SLC3A2: variants seen among roughly 807,000 people sequenced by gnomAD.
The protein encoded by SLC3A2 is amino acid transporter heavy chain SLC3A2.
Under a neutral mutation model 48.5 loss-of-function variants are expected in SLC3A2, and 32 were observed. The ratio of observed to expected loss-of-function variants is 0.66; its 90% CI spans 0.50 to 0.89. The LOEUF is 0.89. Among genes scored for constraint, SLC3A2 ranks in the 40% least tolerant of loss-of-function variants. SLC3A2 has a pLI of 0.00. For synonymous variants in SLC3A2, 277 were observed against 288.8 expected (o/e 0.96, Z 0.41); for missense variants, 587 against 680.7 (o/e 0.86, Z 1.53).
At chr11:62,868,196 A>G (rs1267454897) in intron 1 of SLC3A2, among the ~76,000 whole-genome samples, 2 of 152,074 alleles carry the variant, frequency 1.3e-5, no homozygotes, top group African/African-American at 4.8e-5. Context: ...TGCTAGGATT[A>G]CAGGTGTGAG....
intron 1 of SLC3A2, among the ~76,000 whole-genome samples, chr11:62,871,974 G>A (rs1348271910): frequency 6.6e-6 from 1 of 152,000 alleles, no homozygotes; most frequent in Admixed American, 6.6e-5. Flanking sequence ...GTGCGGTGGC[G>A]TGATCACAGC....
chr11:62,881,654 A>T lies in SLC3A2; in HGVS notation c.424+207A>T, dbSNP rs112685148. Reference sequence around the variant, plus strand: ...CCGACCCGCCCCTCACTCCGTCACGAGGGTGGGTGACTCAGCGTCCTCCTT... The same window carrying T: ...CCGACCCGCCCCTCACTCCGTCACGTGGGTGGGTGACTCAGCGTCCTCCTT... On this transcript the variant is annotated intron_variant, in intron 1 of 8. Transcript: ENST00000338663. This position sits in a 1 kb window ranked among gnomAD's most constrained non-coding sequence, Gnocchi z 4.0. The T allele has an allele frequency of 1.1e-6, 1 of 898,786 alleles. No homozygotes were observed. Among genetic ancestry groups the T allele is most frequent in the African/African-American group, 1.7e-5 (1 of 57,490 alleles). The allele number at this position is 898,786 out of a possible 1,614,324, so 55.7% of individuals were successfully genotyped here.
chr11:62,872,802 A>G lies in SLC3A2; in HGVS notation c.113-8217A>G, dbSNP rs560964566. On this transcript the variant is annotated intron_variant, in intron 1 of 9. Transcript: ENST00000377889. ...TTTTTAGTAGAGATGGGGTTTCTCC[A>G]TGTTGGTCAGGCTGGTGTTTAACTC... Among the ~76,000 whole-genome samples, 10 of 152,104 alleles carry G rather than the reference A, an allele frequency of 6.6e-5. 1 individual carries two copies. In the South Asian group the frequency reaches 2.1e-3, roughly 32 times the overall value.
At chr11:62,880,343 A>G (rs1400697948), upstream of SLC3A2, 1 of 152,318 alleles carries the variant, frequency 6.6e-6, no homozygotes, top group Non-Finnish European at 1.5e-5. Context: ...ATGAGTCTTG[A>G]AAAACGAGTG....
intron 3 of SLC3A2, chr11:62,884,144 C>A: frequency 1.9e-6 from 1 of 525,692 alleles, no homozygotes; most frequent in South Asian, 1.7e-5. Context: ...AAGTGTTAAA[C>A]GAAGTTATGT....
intron 1 of SLC3A2, among the ~76,000 whole-genome samples, chr11:62,865,197 TAC>T (rs1233907323): frequency 2.0e-5 from 3 of 152,308 alleles, no homozygotes; most frequent in South Asian, 4.1e-4. Context: ...GCAGAACCGT[TAC>T]AGTTTTAGCA....
At position 62,885,624 on chromosome 11, in the gene SLC3A2, T is replaced by G; in HGVS notation, c.1143+16T>G. The stretch of plus-strand genomic sequence containing the variant: ...TCCTGGACAGGTACTGCTTGCTGTC[T>G]TTCTGTCACAGGGAGGTTGTTTATC... On this transcript the variant is annotated intron_variant, in intron 7 of 8. Coordinates refer to ENST00000338663, the MANE Select transcript of SLC3A2 (RefSeq NM_001013251.3). 1 of 1,613,684 alleles carries G rather than the reference T, an allele frequency of 6.2e-7. No individual in the cohort carries two copies. Among genetic ancestry groups the G allele is most frequent in the Non-Finnish European group, 8.5e-7 (1 of 1,179,718 alleles).
chr11:62,870,849 AATAATAATTATTATT>A (rs1458428911), intron 1 of SLC3A2: 55 of 143,354 alleles, frequency 3.8e-4, no homozygotes, highest in African/African-American at 1.7e-3. Flanking sequence ...TAATAATAAT[AATAATAATTATTATT>A]ATTATTATTA....
In SLC3A2 at chr11:62,881,464, C is replaced by A; in HGVS notation, c.424+17C>A. On this transcript the variant is annotated intron_variant, in intron 1 of 8. Coordinates refer to ENST00000338663, the MANE Select transcript of SLC3A2 (RefSeq NM_001013251.3). This position sits in a 1 kb window ranked among gnomAD's most constrained non-coding sequence, Gnocchi z 4.0. ...ACCTGGCGGGTGAGTGCAGCGCGCC[C>A]CCGTCCCGGGTACCTCCGGTTGAAT... 1 of 1,559,816 alleles carries A rather than the reference C, an allele frequency of 6.4e-7. No individual in the cohort carries two copies. Among genetic ancestry groups the A allele is most frequent in the East Asian group, 2.3e-5 (1 of 42,924 alleles).
At chr11:62,861,449 A>G (rs937238325) in intron 1 of SLC3A2, among the ~76,000 whole-genome samples, 2 of 151,974 alleles carry the variant, frequency 1.3e-5, no homozygotes, top group Non-Finnish European at 2.9e-5. Flanking sequence ...TTGAATAGAC[A>G]GAGGTCTTGC....
chr11:62,870,057 A>G (rs912124770), intron 1 of SLC3A2, among the ~76,000 whole-genome samples: 1 of 152,068 alleles, frequency 6.6e-6, no homozygotes, highest in African/African-American at 2.4e-5. Flanking sequence ...CTGGTCTCCC[A>G]AAGTGCTGGG....
rs1045208190 is a variant in SLC3A2 at position 62,883,415 on chromosome 11, C to CT, written c.690+417dup. 1.4e-4 allele frequency: 27 copies of CT among 195,084 alleles called. No homozygotes were observed. In the East Asian group the frequency reaches 3.2e-3, roughly 23 times the overall value. 12.1% of individuals were successfully genotyped at this position (195,084 alleles called of 1,614,324 possible). A position where few individuals can be genotyped will look rare whatever the true frequency, so the allele number is the denominator to read the frequency against. On this transcript the variant is annotated intron_variant, in intron 3 of 8. Coordinates refer to ENST00000338663, the MANE Select transcript of SLC3A2 (RefSeq NM_001013251.3). ...GGGGTACTCCTATGTGTCTGGGACTCTATGCCAAGTATTTTATAGATGTTT... is the reference window on the plus strand; with the variant it reads ...GGGGTACTCCTATGTGTCTGGGACTCTTATGCCAAGTATTTTATAGATGTTT...
chr11:62,869,310 G>C (rs931664293), intron 1 of SLC3A2, among the ~76,000 whole-genome samples: 3 of 151,716 alleles, frequency 2.0e-5, no homozygotes, highest in African/African-American at 7.3e-5. Context: ...GGATCACAAG[G>C]TCAGGAGATC....
intron 1 of SLC3A2, among the ~76,000 whole-genome samples, chr11:62,857,695 CAAAAAAAAAAAA>C (rs56818745): frequency 3.8e-5 from 2 of 52,796 alleles, no homozygotes; most frequent in South Asian, 1.1e-3. Context: ...GACCCTGTCT[CAAAAAAAAAAAA>C]AAAAAAAAAA....
chr11:62,876,927 C>G, upstream of SLC3A2: 1 of 994,500 alleles, frequency 1.0e-6, no homozygotes, highest in Non-Finnish European at 1.2e-6. Flanking sequence ...TGAACAGTTA[C>G]AAGTCTTGGT....
chr11:62,876,926 A>G (rs2085576593), upstream of SLC3A2: 1 of 994,688 alleles, frequency 1.0e-6, no homozygotes, highest in Non-Finnish European at 1.2e-6. Flanking sequence ...TTGAACAGTT[A>G]CAAGTCTTGG....
chr11:62,884,100 A>C (rs1203700366), intron 3 of SLC3A2: 2 of 475,786 alleles, frequency 4.2e-6, no homozygotes, highest in African/African-American at 3.9e-5. Flanking sequence ...CTGTTTCTTC[A>C]TCTCTAAAAT....
chr11:62,870,865 AT>A lies in SLC3A2; in HGVS notation c.113-10152del, dbSNP rs756107326. 11 of 170,708 alleles carry A rather than the reference AT, an allele frequency of 6.4e-5. 2 individuals are homozygous for A. The South Asian group carries it at 1.1e-3, about 17-fold the overall frequency. The allele number at this position is 170,708 out of a possible 1,614,324, so 10.6% of individuals were successfully genotyped here. Reference sequence around the variant, plus strand: ...AATAATAATAATAATAATTATTATTATTATTATTATTATTATTATTATTATT... The same window carrying A: ...AATAATAATAATAATAATTATTATTATATTATTATTATTATTATTATTATT... On this transcript the variant is annotated intron_variant, in intron 1 of 9. Transcript: ENST00000377889.
At position 62,881,303 on chromosome 11, in the gene SLC3A2, G is replaced by A. The variant is rs1486756343; in HGVS notation, c.280G>A (p.Gly94Ser). The A allele has an allele frequency of 3.8e-6, 6 of 1,576,948 alleles. No individual in the cohort carries two copies. The highest frequency in any genetic ancestry group is 3.4e-6 in the Non-Finnish European group (4 of 1,165,310). The change falls in exon 1 of 9, where the codon GGC becomes AGC. Residue 94 changes from glycine to serine, a missense_variant. By Grantham distance (56) the Gly-to-Ser change is moderately conservative. Transcript: ENST00000338663. The surrounding 1 kb of genome is among the most constrained non-coding windows in gnomAD (Gnocchi z 4.0). The part of the protein sequence containing the change: ...LLLLFWLGWL[G>S]MLAGAVVIIV... Reference sequence around the variant, plus strand: ...GCTGCTCTTCTGGCTCGGCTGGCTCGGCATGCTTGCTGGTGCCGTGGTCAT... The same window carrying A: ...GCTGCTCTTCTGGCTCGGCTGGCTCAGCATGCTTGCTGGTGCCGTGGTCAT...
Sources: gnomAD v4.1 joint callset for allele counts (sites outside exome capture counted in the v4.1 genomes callset) on GRCh38, gnomAD v4.1.1 for gene constraint, Gnocchi (gnomAD v3.1) non-coding constraint, MANE v1.5 for transcripts, NCBI Gene and HGNC (gene_info 2026-07-23, HGNC 2026-07-21) for gene names.